Variants in RPS6KC1 observed in about 807,000 individuals in gnomAD.
The protein encoded by RPS6KC1 is ribosomal protein S6 kinase C1, also known as inactive ribosomal protein S6 kinase delta-1.
RPS6KC1 carries 54 observed loss-of-function variants against 103.8 expected under a neutral mutation model. The ratio of observed to expected loss-of-function variants is 0.52; its 90% CI spans 0.42 to 0.65. RPS6KC1 has a LOEUF of 0.65. Among genes scored for constraint, RPS6KC1 ranks in the 30% least tolerant of loss-of-function variants. The pLI, the probability that RPS6KC1 is intolerant of heterozygous loss-of-function variation, is 0.00. For missense variants in RPS6KC1, 1,151 were observed against 1,253.8 expected, an observed-to-expected ratio of 0.92 and a Z score of 1.24; for synonymous variants, 439 against 438.7, an observed-to-expected ratio of 1.00 and a Z score of -0.01.
At chr1:213,095,822 T>G (rs1052612045) in intron 3 of RPS6KC1, among the ~76,000 whole-genome samples, 3 of 152,234 alleles carry the variant, frequency 2.0e-5, no homozygotes, top group Non-Finnish European at 4.4e-5. Context: ...AAAATGCTAA[T>G]TTTCATCTGA....
chr1:213,541,110 C>T, the RPS6KC1 span, among the ~76,000 whole-genome samples: 1 of 40,020 alleles, frequency 2.5e-5, no homozygotes, highest in African/African-American at 7.2e-5. Context: ...TTCATTCAAG[C>T]TCCTGTTACT....
the RPS6KC1 span, among the ~76,000 whole-genome samples, chr1:213,536,381 C>T: frequency 0.047 from 7,212 of 152,180 alleles, 550 homozygotes; most frequent in African/African-American, 0.16. Context: ...CCTTCTATTA[C>T]GGAATTTATG....
At chr1:213,602,108 CTTTCTTTCTTTCTCTTTCTTTCTT>C in the RPS6KC1 span, among the ~76,000 whole-genome samples, 3 of 35,118 alleles carry the variant, frequency 8.5e-5, no homozygotes, top group African/African-American at 2.8e-4. Context: ...TTCTTTCTTT[CTTTCTTTCTTTCTCTTTCTTTCTT>C]TCTTTCTTTC....
the RPS6KC1 span, among the ~76,000 whole-genome samples, chr1:213,854,430 A>T: frequency 1.3e-5 from 2 of 152,160 alleles, no homozygotes; most frequent in Admixed American, 1.3e-4. Flanking sequence ...AGGTTTTAGG[A>T]GACATGCATT....
At chr1:213,479,853 A>G in the RPS6KC1 span, among the ~76,000 whole-genome samples, 332 of 152,038 alleles carry the variant, frequency 2.2e-3, 2 homozygotes, top group African/African-American at 7.7e-3. Flanking sequence ...TATTTTTCCA[A>G]TCTCACCTAA....
At chr1:213,278,569 CT>C (rs1324149320), downstream of RPS6KC1, among the ~76,000 whole-genome samples, 12 of 152,216 alleles carry the variant, frequency 7.9e-5, no homozygotes, top group Non-Finnish European at 1.5e-4. Flanking sequence ...AAATTGAACT[CT>C]TCCCCCGACC....
chr1:213,547,468 C>G, the RPS6KC1 span, among the ~76,000 whole-genome samples: 1 of 152,184 alleles, frequency 6.6e-6, no homozygotes, highest in Non-Finnish European at 1.5e-5. Context: ...CGTTATCTAG[C>G]AAAATTGAAG....
At chr1:213,574,444 T>C in the RPS6KC1 span, among the ~76,000 whole-genome samples, 3,118 of 152,314 alleles carry the variant, frequency 0.02, 58 homozygotes, top group African/African-American at 0.041. Context: ...ATTTTAGTCA[T>C]TGATGGGCTA....
chr1:213,474,364 G>A, the RPS6KC1 span, among the ~76,000 whole-genome samples: 2 of 151,750 alleles, frequency 1.3e-5, no homozygotes, highest in Non-Finnish European at 2.9e-5. Flanking sequence ...GTGGACACAA[G>A]GCTATTTCAT....
At chr1:213,589,016 G>A in the RPS6KC1 span, among the ~76,000 whole-genome samples, 1 of 152,154 alleles carries the variant, frequency 6.6e-6, no homozygotes, top group South Asian at 2.1e-4. Flanking sequence ...CCCTATTTTG[G>A]CCTCTTAGAG....
chr1:213,622,915 C>T, the RPS6KC1 span, among the ~76,000 whole-genome samples: 4 of 152,138 alleles, frequency 2.6e-5, no homozygotes, highest in Non-Finnish European at 5.9e-5. Context: ...AAAGCCACGG[C>T]GTGAGTCCAG....
At chr1:213,406,900 A>T in the RPS6KC1 span, among the ~76,000 whole-genome samples, 2 of 152,168 alleles carry the variant, frequency 1.3e-5, no homozygotes, top group African/African-American at 4.8e-5. Context: ...TTTACAAATG[A>T]GAGCGCTGAG....
chr1:213,089,254 C>G (rs1003478793), intron 3 of RPS6KC1, among the ~76,000 whole-genome samples: 1 of 152,118 alleles, frequency 6.6e-6, no homozygotes, highest in Non-Finnish European at 1.5e-5. Context: ...GAACTCTTAC[C>G]GTTGTAGGCT....
At chr1:213,420,590 G>A in the RPS6KC1 span, among the ~76,000 whole-genome samples, 1 of 152,118 alleles carries the variant, frequency 6.6e-6, no homozygotes, top group Non-Finnish European at 1.5e-5. Flanking sequence ...TGGCAGGAGA[G>A]AGAAAAACTG....
chr1:213,610,758 AG>A, the RPS6KC1 span, among the ~76,000 whole-genome samples: 1 of 152,196 alleles, frequency 6.6e-6, no homozygotes, highest in African/African-American at 2.4e-5. Context: ...CACACATGTG[AG>A]CAATTCAGGT....
chr1:213,168,510 G>A (rs1290155575), intron 7 of RPS6KC1, among the ~76,000 whole-genome samples: 1 of 151,936 alleles, frequency 6.6e-6, no homozygotes, highest in Non-Finnish European at 1.5e-5. Flanking sequence ...ATGCTGTATC[G>A]ACCTGGATTT....
At chr1:213,441,234 C>T in the RPS6KC1 span, among the ~76,000 whole-genome samples, 1 of 152,148 alleles carries the variant, frequency 6.6e-6, no homozygotes, top group African/African-American at 2.4e-5. Flanking sequence ...TTAAAAACAT[C>T]GCTGATATCC....
the RPS6KC1 span, among the ~76,000 whole-genome samples, chr1:213,825,877 A>G: frequency 6.6e-6 from 1 of 152,246 alleles, no homozygotes; most frequent in Non-Finnish European, 1.5e-5. Context: ...AATAAGCAGT[A>G]AAGTCTCCCA....
chr1:213,834,471 C>T, the RPS6KC1 span, among the ~76,000 whole-genome samples: 232 of 152,288 alleles, frequency 1.5e-3, 3 homozygotes, highest in African/African-American at 5.3e-3. Flanking sequence ...TTATAAGTCT[C>T]TTTATCTCAC....
Sources: allele counts gnomAD v4.1 joint callset (sites outside exome capture counted in the v4.1 genomes callset), GRCh38; gene constraint gnomAD v4.1.1; transcripts MANE v1.5; gene names NCBI Gene and HGNC (gene_info 2026-07-23, HGNC 2026-07-21).